The following TMEM116 variants were observed in gnomAD, a reference collection of about 807,000 sequenced individuals.
TMEM116 encodes transmembrane protein 116.
TMEM116 carries 38 observed loss-of-function variants against 44.3 expected under a neutral mutation model. That is an observed-to-expected ratio of 0.86 (90% CI 0.66 to 1.12). TMEM116 has a LOEUF of 1.12. Among genes scored for constraint, TMEM116 ranks in the 50% most tolerant of loss-of-function variants. TMEM116 has a pLI of 0.00. For synonymous variants in TMEM116, 132 were observed against 144.8 expected (o/e 0.91, Z 0.64); for missense variants, 354 against 401.7 (o/e 0.88, Z 1.01).
intron 3 of TMEM116, among the ~76,000 whole-genome samples, chr12:111,995,698 A>C (rs2076892293): frequency 6.6e-6 from 1 of 152,058 alleles, no homozygotes; most frequent in African/African-American, 2.4e-5. Flanking sequence ...AGATCATGCC[A>C]CTGCACTCCA....
chr12:111,996,101 C>CAAAAACTG (rs1270403040), intron 3 of TMEM116, among the ~76,000 whole-genome samples: 1 of 131,502 alleles, frequency 7.6e-6, no homozygotes, highest in Non-Finnish European at 1.7e-5. Context: ...TGTGAAAGGA[C>CAAAAACTG]AAAAACTGTA....
intron 4 of TMEM116, among the ~76,000 whole-genome samples, chr12:111,989,733 A>G (rs747105187): frequency 3.9e-5 from 6 of 152,358 alleles, no homozygotes; most frequent in Admixed American, 6.5e-5. Context: ...TGAGCCAGAC[A>G]TTGGAAATAT....
At chr12:111,931,920 A>G (rs190805786) in intron 10 of TMEM116, 93 bp from the exon 11 acceptor site, 3 of 892,850 alleles carry the variant, frequency 3.4e-6, no homozygotes, top group East Asian at 2.7e-5. Context: ...AAGCATTGTT[A>G]TATTTTCTCT....
chr12:111,934,005 A>G lies in TMEM116; in HGVS notation c.614T>C (p.Leu205Ser). Residue 205 changes from leucine to serine, a missense_variant, in exon 9 of 11, where the codon TTG becomes TCG. By Grantham distance (145) the Leu-to-Ser change is moderately radical. Coordinates refer to ENST00000552374, the MANE Select transcript of TMEM116 (RefSeq NM_001193531.2). Reference protein sequence around the residue: ...IMVLLIRAQTLYKKFVKSTGF... With the variant: ...IMVLLIRAQTSYKKFVKSTGF... ...AGTTGACTTCACAAACTTCTTATAC[A>G]ATGTCTGGGCTCGGATAAGTAAGAC... is the stretch of plus-strand genomic sequence containing the variant. 1 of 1,614,108 alleles carries G rather than the reference A, an allele frequency of 6.2e-7. No individual in the cohort carries two copies. The highest frequency in any genetic ancestry group is 8.5e-7 in the Non-Finnish European group (1 of 1,180,012).
chr12:112,007,380 C>T (rs1429945043), intron 1 of TMEM116, among the ~76,000 whole-genome samples: 2 of 152,166 alleles, frequency 1.3e-5, no homozygotes, highest in African/African-American at 2.4e-5. Context: ...TGACACTGCA[C>T]TCCAGCCTGG....
At position 111,994,290 on chromosome 12, in the gene TMEM116, A is replaced by G. The variant is rs559868505; in HGVS notation, c.79-2401T>C. ...TAAGATAACCAAGACACTCTTGAAA[A>G]AAAAAGAAGAACTTGCCCCACCTCA... is the stretch of plus-strand genomic sequence containing the variant. On this transcript the variant is annotated intron_variant, in intron 3 of 10. Coordinates refer to ENST00000552374, the MANE Select transcript of TMEM116 (RefSeq NM_001193531.2). Among the ~76,000 whole-genome samples the G allele has an allele frequency of 3.9e-5, 6 of 152,332 alleles. No homozygotes were observed. In the South Asian group the frequency reaches 1.2e-3, roughly 32 times the overall value.
chr12:111,979,769 A>C (rs1169358270), intron 4 of TMEM116, among the ~76,000 whole-genome samples: 1 of 152,226 alleles, frequency 6.6e-6, no homozygotes, highest in Non-Finnish European at 1.5e-5. Context: ...TAAACTCAAC[A>C]ATAAGAAAAC....
chr12:111,949,957 G>A (rs184724346), intron 4 of TMEM116, among the ~76,000 whole-genome samples: 2 of 151,988 alleles, frequency 1.3e-5, no homozygotes, highest in Non-Finnish European at 2.9e-5. Flanking sequence ...TCTACTAAAA[G>A]TATAAAAATT....
chr12:111,948,339 T>C (rs1319290512), intron 4 of TMEM116, among the ~76,000 whole-genome samples: 1 of 152,042 alleles, frequency 6.6e-6, no homozygotes, highest in Non-Finnish European at 1.5e-5. Context: ...CAGATAGAAT[T>C]TGAATAGGTT....
chr12:112,005,874 TGTGA>T, intron 1 of TMEM116: 4 of 941,698 alleles, frequency 4.2e-6, no homozygotes, highest in Non-Finnish European at 5.1e-6. Context: ...GAAAAGAGAT[TGTGA>T]GTGAAAAATG....
chr12:111,981,363 G>A (rs1163625074), intron 4 of TMEM116, among the ~76,000 whole-genome samples: 1 of 152,162 alleles, frequency 6.6e-6, no homozygotes, highest in Non-Finnish European at 1.5e-5. Context: ...TAATTTACCT[G>A]CCTTACCACC....
chr12:111,955,749 A>G (rs2074045562), intron 4 of TMEM116, among the ~76,000 whole-genome samples: 3 of 152,254 alleles, frequency 2.0e-5, no homozygotes, highest in Admixed American at 2.0e-4. Context: ...GCATAAGATT[A>G]TAATACTGTA....
intron 1 of TMEM116, chr12:112,011,552 TAA>T (rs1242300789): frequency 6.6e-6 from 1 of 152,270 alleles, no homozygotes; most frequent in Non-Finnish European, 1.5e-5. Context: ...TTCTACCCTT[TAA>T]AAGTTTGTCA....
At chr12:111,939,232 A>T (rs1266581788) in intron 5 of TMEM116, among the ~76,000 whole-genome samples, 1 of 152,092 alleles carries the variant, frequency 6.6e-6, no homozygotes, top group Non-Finnish European at 1.5e-5. Context: ...AGACAGGTGG[A>T]TCACGAGGTC....
chr12:112,005,859 A>T, intron 1 of TMEM116: 1 of 905,738 alleles, frequency 1.1e-6, no homozygotes, highest in Non-Finnish European at 1.3e-6. Context: ...AAAAGTTAGT[A>T]GTATGAAAAG....
At position 111,940,556 on chromosome 12, in the gene TMEM116, T is replaced by C. The variant is rs966656679; in HGVS notation, c.316-2346A>G. On this transcript the variant is annotated intron_variant, in intron 5 of 10. Coordinates refer to ENST00000552374, the MANE Select transcript of TMEM116 (RefSeq NM_001193531.2). Reference sequence around the variant, plus strand: ...ATATATATATATATACACACACACATATATATGTGTGTATATATATATATA... The same window carrying C: ...ATATATATATATATACACACACACACATATATGTGTGTATATATATATATA... 1.7e-3 allele frequency among the ~76,000 whole-genome samples: 205 copies of C among 121,586 alleles called. 1 individual carries two copies. The highest frequency in any genetic ancestry group is 7.6e-3 in the Middle Eastern group (2 of 262). 79.8% of individuals were successfully genotyped at this position (121,586 alleles called of 152,430 possible). A position where few individuals can be genotyped will look rare whatever the true frequency, so the allele number is the denominator to read the frequency against.
intron 4 of TMEM116, among the ~76,000 whole-genome samples, chr12:111,974,212 C>A (rs1176004937): frequency 6.6e-6 from 1 of 151,648 alleles, no homozygotes; most frequent in African/African-American, 2.4e-5. Flanking sequence ...TATGAAAAAT[C>A]TATGGCTAGC....
At chr12:111,945,664 T>C (rs943764441) in intron 4 of TMEM116, among the ~76,000 whole-genome samples, 2 of 152,144 alleles carry the variant, frequency 1.3e-5, no homozygotes, top group African/African-American at 4.8e-5. Flanking sequence ...TTTGTTAAAC[T>C]CCCAGAGACA....
intron 4 of TMEM116, among the ~76,000 whole-genome samples, chr12:111,966,180 C>A (rs2074970122): frequency 6.6e-6 from 1 of 151,986 alleles, no homozygotes; most frequent in African/African-American, 2.4e-5. Flanking sequence ...ATGGTGTGCA[C>A]CTGCAATCCC....
Sources: allele counts gnomAD v4.1 joint callset (sites outside exome capture counted in the v4.1 genomes callset), GRCh38; gene constraint gnomAD v4.1.1; transcripts MANE v1.5; gene names NCBI Gene and HGNC (gene_info 2026-07-23, HGNC 2026-07-21).